The following PTPN3 variants were observed in gnomAD, a reference collection of about 807,000 sequenced individuals.
The protein encoded by PTPN3 is tyrosine-protein phosphatase non-receptor type 3.
In PTPN3, 96 loss-of-function variants were observed where a neutral mutation model predicts 132.7. The ratio of observed to expected loss-of-function variants is 0.72; its 90% CI spans 0.61 to 0.86. The LOEUF is 0.86. PTPN3 is among the 40% of genes least tolerant of loss of function. The pLI is 0.00. For missense variants in PTPN3, 1,125 were observed against 1,159.6 expected, an observed-to-expected ratio of 0.97 and a Z score of 0.43; for synonymous variants, 398 against 429.0, an observed-to-expected ratio of 0.93 and a Z score of 0.89.
At chr9:109,408,794 A>ATATATATATATATATATATATATAT (rs373957307) in intron 16 of PTPN3, among the ~76,000 whole-genome samples, 1 of 87,372 alleles carries the variant, frequency 1.1e-5, no homozygotes, top group African/African-American at 5.3e-5. Flanking sequence ...AAAAAAAAAA[A>ATATATATATATATATATATATATAT]AAATATATAT....
chr9:109,400,219 T>A (rs1588328708), intron 19 of PTPN3, among the ~76,000 whole-genome samples: 1 of 152,214 alleles, frequency 6.6e-6, no homozygotes, highest in Admixed American at 6.5e-5. Flanking sequence ...TGAGCCCTCA[T>A]GTCCGGCCTG....
At chr9:109,420,242 A>G (rs1842795476) in intron 14 of PTPN3, among the ~76,000 whole-genome samples, 182 bp downstream of exon 14, 1 of 152,206 alleles carries the variant, frequency 6.6e-6, no homozygotes, top group Non-Finnish European at 1.5e-5. Context: ...CCAGGCACAT[A>G]GACCGTCTTC....
chr9:109,414,169 T>C (rs1398257120), intron 14 of PTPN3, among the ~76,000 whole-genome samples: 1 of 152,172 alleles, frequency 6.6e-6, no homozygotes, highest in Admixed American at 6.5e-5. Context: ...TGAGTTACTC[T>C]AAAAGAGCAA....
rs956342148 is a variant in PTPN3, at chr9:109,426,830, T to C, written c.1001+120A>G. On this transcript the variant is annotated intron_variant, in intron 12 of 25. Transcript: ENST00000374541. ...TTTTAGTTATGGTTCAGAGATCCAA[T>C]GCCTGGAGCCCCTGGGCTATGGGTT... is the stretch of plus-strand genomic sequence containing the variant. The C allele has an allele frequency of 6.3e-6, 7 of 1,116,216 alleles. 1 individual carries two copies. The highest frequency in any genetic ancestry group is 1.6e-5 in the African/African-American group (1 of 63,834). The allele number at this position is 1,116,216 out of a possible 1,614,324, so 69.1% of individuals were successfully genotyped here. A position where few individuals can be genotyped will look rare whatever the true frequency, so the allele number is the denominator to read the frequency against.
chr9:109,392,540 C>T (rs960075714), intron 19 of PTPN3: 4 of 152,240 alleles, frequency 2.6e-5, no homozygotes, highest in South Asian at 2.1e-4. Context: ...TATATGTAAA[C>T]GCATAATACA....
At chr9:109,469,703 T>C (rs945558008) in intron 1 of PTPN3, among the ~76,000 whole-genome samples, 13 of 151,996 alleles carry the variant, frequency 8.6e-5, no homozygotes, top group African/African-American at 2.9e-4. Context: ...ATGAGTTCCG[T>C]TGAAAAAAAG....
intron 19 of PTPN3, among the ~76,000 whole-genome samples, chr9:109,402,647 C>G (rs1196482116): frequency 2.0e-5 from 3 of 152,134 alleles, no homozygotes; most frequent in African/African-American, 7.2e-5. Flanking sequence ...AGGGCTATTT[C>G]CCTTTGTAGA....
At chr9:109,536,985 G>A in the PTPN3 span, among the ~76,000 whole-genome samples, 4 of 151,944 alleles carry the variant, frequency 2.6e-5, no homozygotes, top group Admixed American at 2.0e-4. Flanking sequence ...TGTGGTTGGA[G>A]TGTGCGTTTG....
At chr9:109,438,855 G>A (rs1477394230) in intron 7 of PTPN3, among the ~76,000 whole-genome samples, 1 of 152,172 alleles carries the variant, frequency 6.6e-6, no homozygotes, top group East Asian at 1.9e-4. Flanking sequence ...CAGGGCTCAG[G>A]CAACAGCAAA....
chr9:109,502,777 C>T (rs1485852069), upstream of PTPN3, among the ~76,000 whole-genome samples: 1 of 152,188 alleles, frequency 6.6e-6, no homozygotes, highest in African/African-American at 2.4e-5. Flanking sequence ...ACCTGGACAA[C>T]AGCAAGACTC....
At chr9:109,533,556 C>T in the PTPN3 span, 5 of 1,599,200 alleles carry the variant, frequency 3.1e-6, no homozygotes, top group South Asian at 5.5e-5. Flanking sequence ...TCTTCATTGC[C>T]GTCCTCTCTA....
intron 24 of PTPN3, 43 bp downstream of exon 24, chr9:109,382,259 C>G: frequency 6.2e-7 from 1 of 1,600,160 alleles, no homozygotes; most frequent in Non-Finnish European, 8.5e-7. Flanking sequence ...CCTTTTCCGA[C>G]AGGGAAAGGA....
intron 14 of PTPN3, among the ~76,000 whole-genome samples, chr9:109,412,465 C>G (rs555304934): frequency 6.6e-6 from 1 of 152,186 alleles, no homozygotes; most frequent in Admixed American, 6.5e-5. Context: ...CCTCCGCCTC[C>G]CGGGTTCAAA....
rs367766327 is a variant in PTPN3 at position 109,382,379 on chromosome 9, G to A, written c.2451C>T (p.Asp817=). Residue 817 remains aspartate, a synonymous_variant, in exon 24 of 26, where the codon GAC becomes GAT. Transcript: ENST00000374541. ...VAWPDHGVPD[D]SSDFLEFVNY... ...TTACAAATTCCAGAAAGTCGGAGGA[G>A]TCATCGGGCACACCGTGGTCAGGCC... 7 of 1,614,036 alleles carry A rather than the reference G, an allele frequency of 4.3e-6. No homozygotes were observed. In the East Asian group the frequency reaches 8.9e-5, roughly 21 times the overall value.
intron 1 of PTPN3, among the ~76,000 whole-genome samples, chr9:109,491,790 C>T (rs1847474477): frequency 6.6e-6 from 1 of 152,102 alleles, no homozygotes; most frequent in Non-Finnish European, 1.5e-5. Flanking sequence ...GGGAGAAGGT[C>T]CCAGGCTCTT....
At position 109,375,844 on chromosome 9, in the gene PTPN3, A is replaced by G. The variant is rs967753725; in HGVS notation, c.*3712T>C. ...TCCTTTTCCAAATAACTTCACACAA[A>G]TCCTTTGGTTGCTCCAAACAGAATG... On this transcript the variant is annotated 3_prime_UTR_variant, in exon 26 of 26. Coordinates refer to ENST00000374541, the MANE Select transcript of PTPN3 (RefSeq NM_002829.4). The G allele has an allele frequency of 1.3e-5, 2 of 152,174 alleles. No individual in the cohort carries two copies. The highest frequency in any genetic ancestry group is 4.8e-5 in the African/African-American group (2 of 41,438). The allele number at this position is 152,174 out of a possible 1,614,324, so 9.4% of individuals were successfully genotyped here. A position where few individuals can be genotyped will look rare whatever the true frequency, so the allele number is the denominator to read the frequency against.
Position 109,378,486 on chromosome 9 carries a change from T to A in PTPN3, c.*1070A>T, listed in dbSNP as rs1838753967. The A allele has an allele frequency of 6.6e-6, 1 of 152,604 alleles. No individual in the cohort carries two copies. The allele number at this position is 152,604 out of a possible 1,614,324, so 9.5% of individuals were successfully genotyped here. On this transcript the variant is annotated 3_prime_UTR_variant, in exon 26 of 26. Coordinates refer to ENST00000374541, the MANE Select transcript of PTPN3 (RefSeq NM_002829.4). ...ATTTGTTCTTCCATACAGAGACTCA[T>A]TCTTTATATATACTCAACGGTAATT...
chr9:109,461,759 G>A (rs1588466579), intron 2 of PTPN3, among the ~76,000 whole-genome samples: 2 of 146,384 alleles, frequency 1.4e-5, no homozygotes, highest in African/African-American at 2.5e-5. Flanking sequence ...CTTGTTTCAG[G>A]AAAAAAAAAA....
rs557238158 is a variant in PTPN3, at chr9:109,395,097, G to A, written c.1954-3536C>T. Reference sequence around the variant, plus strand: ...AGAGCTTGCAGTGAGCCGAGATCGCGCCACTGCACTCCAGGCTGGGCAACA... The same window carrying A: ...AGAGCTTGCAGTGAGCCGAGATCGCACCACTGCACTCCAGGCTGGGCAACA... On this transcript the variant is annotated intron_variant, in intron 19 of 25. Transcript: ENST00000374541. Among the ~76,000 whole-genome samples the A allele has an allele frequency of 2.4e-4, 36 of 150,448 alleles. 1 individual carries two copies. The highest frequency in any genetic ancestry group is 8.1e-4 in the African/African-American group (33 of 40,982).
Sources: allele counts gnomAD v4.1 joint callset (sites outside exome capture counted in the v4.1 genomes callset), GRCh38; gene constraint gnomAD v4.1.1; transcripts MANE v1.5; gene names NCBI Gene and HGNC (gene_info 2026-07-23, HGNC 2026-07-21).